DNAH14: variants seen among roughly 807,000 people sequenced by gnomAD.
DNAH14 encodes axonemal beta dynein heavy chain 14.
In DNAH14, 478 loss-of-function variants were observed where a neutral mutation model predicts 520.9. The observed-to-expected ratio is 0.92, with a 90% CI of 0.85 to 0.99. DNAH14 has a LOEUF of 0.99. DNAH14 is among the 50% of genes least tolerant of loss of function. DNAH14 has a pLI of 0.00. For synonymous variants in DNAH14, 1,581 were observed against 1,757.2 expected, an observed-to-expected ratio of 0.90 and a Z score of 2.51; for missense variants, 4,831 against 5,234.5, an observed-to-expected ratio of 0.92 and a Z score of 2.38.
chr1:225,247,752 TGTG>T (rs2092366590), intron 43 of DNAH14, among the ~76,000 whole-genome samples: 2 of 151,980 alleles, frequency 1.3e-5, no homozygotes, highest in Admixed American at 1.3e-4. Flanking sequence ...TTTGACCAGG[TGTG>T]GTGGCTCACG....
At chr1:225,149,389 T>C (rs2080261780) in intron 31 of DNAH14, among the ~76,000 whole-genome samples, 1 of 152,236 alleles carries the variant, frequency 6.6e-6, no homozygotes, top group African/African-American at 2.4e-5. Context: ...TTCTTTTTGG[T>C]TAGGATTGCC....
intron 21 of DNAH14, among the ~76,000 whole-genome samples, chr1:225,095,492 G>A (rs576428322): frequency 2.8e-4 from 42 of 152,132 alleles, no homozygotes; most frequent in Admixed American, 9.8e-4. Context: ...ACACCGGGGC[G>A]TACTTGAAGG....
In DNAH14 at chr1:225,139,490, C is replaced by T. The variant is rs1188445587; in HGVS notation, c.4255-1278C>T. Among the ~76,000 whole-genome samples, 11 of 152,248 alleles carry T rather than the reference C, an allele frequency of 7.2e-5. No homozygotes were observed. The East Asian group carries it at 1.2e-3, about 16-fold the overall frequency. Reference sequence around the variant, plus strand: ...AACTCCCCTTTCTCTTGCACTTCTACGTATGTCACATGACTAGGAGTTGTC... The same window carrying T: ...AACTCCCCTTTCTCTTGCACTTCTATGTATGTCACATGACTAGGAGTTGTC... On this transcript the variant is annotated intron_variant, in intron 27 of 85. Coordinates refer to ENST00000682510, the MANE Select transcript of DNAH14 (RefSeq NM_001367479.1).
At chr1:225,225,361 C>T (rs2090436864) in intron 41 of DNAH14, among the ~76,000 whole-genome samples, 1 of 152,148 alleles carries the variant, frequency 6.6e-6, no homozygotes, top group Admixed American at 6.5e-5. Context: ...GAGAGTCCAC[C>T]CAATATGTTA....
intron 74 of DNAH14, among the ~76,000 whole-genome samples, chr1:225,359,447 C>CT (rs59255418): frequency 0.23 from 34,905 of 151,938 alleles, 4,201 homozygotes; most frequent in African/African-American, 0.29. Flanking sequence ...ACTCCAAATG[C>CT]TTTTTTTTGT....
chr1:225,325,675 A>G (rs920638861), intron 64 of DNAH14, among the ~76,000 whole-genome samples: 2 of 152,204 alleles, frequency 1.3e-5, no homozygotes, highest in Admixed American at 6.5e-5. Context: ...GAGAGTGAGC[A>G]AAGTAATACA....
Position 225,106,046 on chromosome 1 carries a change from T to C in DNAH14, c.3867+5162T>C, listed in dbSNP as rs2076018090. Among the ~76,000 whole-genome samples the C allele has an allele frequency of 1.4e-5, 2 of 140,370 alleles. 1 individual carries two copies. The highest frequency in any genetic ancestry group is 1.4e-4 in the Admixed American group (2 of 14,580). 92.1% of individuals were successfully genotyped at this position (140,370 alleles called of 152,430 possible). Reference sequence around the variant, plus strand: ...AGTTGTTCCTTTCCATGTTTAGTGCTTCCTTCAGGAGCACTTTTAGGGCAG... The same window carrying C: ...AGTTGTTCCTTTCCATGTTTAGTGCCTCCTTCAGGAGCACTTTTAGGGCAG... On this transcript the variant is annotated intron_variant, in intron 23 of 85. Coordinates refer to ENST00000682510, the MANE Select transcript of DNAH14 (RefSeq NM_001367479.1).
intron 4 of DNAH14, among the ~76,000 whole-genome samples, chr1:224,960,576 A>G (rs2060782125): frequency 6.6e-6 from 1 of 152,056 alleles, no homozygotes; most frequent in Non-Finnish European, 1.5e-5. Context: ...TATAAACTGT[A>G]TGGTTTTTTA....
At chr1:225,115,213 G>GGGTCA (rs60290006) in intron 23 of DNAH14, among the ~76,000 whole-genome samples, 10,476 of 152,190 alleles carry the variant, frequency 0.069, 1,150 homozygotes, top group African/African-American at 0.23. Flanking sequence ...GGTGACACAA[G>GGGTCA]CACCCTGTGG....
At chr1:225,098,634 T>C (rs1417825260) in intron 22 of DNAH14, among the ~76,000 whole-genome samples, 17 of 152,232 alleles carry the variant, frequency 1.1e-4, no homozygotes, top group Admixed American at 1.1e-3. Context: ...TTTCTTATCA[T>C]ATGAATGCTT....
intron 11 of DNAH14, among the ~76,000 whole-genome samples, chr1:225,035,682 T>A (rs12563033): frequency 0.055 from 8,378 of 152,194 alleles, 471 homozygotes; most frequent in East Asian, 0.24. Flanking sequence ...TTTTGTTTTG[T>A]TTGTGGTCAG....
At chr1:225,231,346 G>A (rs555406319) in intron 42 of DNAH14, among the ~76,000 whole-genome samples, 195 bp downstream of exon 42, 1 of 152,036 alleles carries the variant, frequency 6.6e-6, no homozygotes, top group East Asian at 1.9e-4. Flanking sequence ...GCTGCATTTT[G>A]AAGTAATATG....
chr1:225,015,457 G>GCT (rs2065136490), intron 10 of DNAH14, among the ~76,000 whole-genome samples: 1 of 152,124 alleles, frequency 6.6e-6, no homozygotes, highest in African/African-American at 2.4e-5. Context: ...TTGTATATCA[G>GCT]CTCTACTAGT....
intron 3 of DNAH14, among the ~76,000 whole-genome samples, chr1:224,958,376 C>T (rs900855116): frequency 6.6e-6 from 1 of 151,972 alleles, no homozygotes; most frequent in Non-Finnish European, 1.5e-5. Context: ...TCAAATAGCA[C>T]TAGGATGTGC....
rs561008391 is a variant in DNAH14, at chr1:224,932,072, C to T, written c.-34+2237C>T. ...CTGTGCTAGTTTACATACCCACTAACAGTGTATAAGAGTTCCCTTTTCTCC... is the reference window on the plus strand; with the variant it reads ...CTGTGCTAGTTTACATACCCACTAATAGTGTATAAGAGTTCCCTTTTCTCC... On this transcript the variant is annotated intron_variant, in intron 1 of 85. Transcript: ENST00000682510. 1.4e-4 allele frequency among the ~76,000 whole-genome samples: 21 copies of T among 152,284 alleles called. No individual in the cohort carries two copies. In the South Asian group the frequency reaches 4.1e-3, roughly 30 times the overall value.
Position 225,322,795 on chromosome 1 carries a change from A to G in DNAH14, c.9467A>G (p.Asn3156Ser). The G allele has an allele frequency of 1.3e-6, 2 of 1,551,764 alleles. No homozygotes were observed. Among genetic ancestry groups the G allele is most frequent in the South Asian group, 1.2e-5 (1 of 84,042 alleles). Reference sequence around the variant, plus strand: ...ACTGGTTTCCTGAAAAAATTGATTAACCTTGACAAGGACAGCATACCTGAT... The same window carrying G: ...ACTGGTTTCCTGAAAAAATTGATTAGCCTTGACAAGGACAGCATACCTGAT... ...SETGFLKKLI[N>S]LDKDSIPDKV... is the part of the protein sequence containing the mutation. The change falls in exon 62 of 86, where the codon AAC becomes AGC. Residue 3156 changes from asparagine (N) to serine (S), a missense_variant. Asn to Ser is a conservative substitution (Grantham distance 46). Transcript: ENST00000682510.
intron 66 of DNAH14, among the ~76,000 whole-genome samples, chr1:225,335,450 C>T (rs2094947285): frequency 7.6e-6 from 1 of 131,444 alleles, no homozygotes; most frequent in Non-Finnish European, 1.7e-5. Context: ...TGTGTATGCA[C>T]ATATGCACGT....
At chr1:224,997,314 A>T (rs1447473056) in intron 8 of DNAH14, among the ~76,000 whole-genome samples, 2 of 147,232 alleles carry the variant, frequency 1.4e-5, no homozygotes, top group Non-Finnish European at 2.9e-5. Flanking sequence ...CTATTTTCCC[A>T]CTGTAGAAAC....
intron 8 of DNAH14, among the ~76,000 whole-genome samples, chr1:225,000,694 A>AT (rs2063705307): frequency 6.7e-6 from 1 of 148,796 alleles, no homozygotes; most frequent in Admixed American, 6.7e-5. Flanking sequence ...CACTTCCCTC[A>AT]TTTTTTTCCT....
Sources: gnomAD v4.1 joint callset for allele counts (sites outside exome capture counted in the v4.1 genomes callset) on GRCh38, gnomAD v4.1.1 for gene constraint, MANE v1.5 for transcripts, NCBI Gene and HGNC (gene_info 2026-07-23, HGNC 2026-07-21) for gene names.